The following DCBLD2 variants were observed in gnomAD, a reference collection of about 807,000 sequenced individuals.
DCBLD2 encodes discoidin, CUB and LCCL domain containing 2.
Under a neutral mutation model 86.8 loss-of-function variants are expected in DCBLD2, and 54 were observed. The observed-to-expected ratio is 0.62, with a 90% confidence interval of 0.50 to 0.78. DCBLD2 has a LOEUF of 0.78. DCBLD2 is among the 30% of genes least tolerant of loss of function. The probability of loss-of-function intolerance (pLI) is 0.00; values close to 1 mark genes in which losing one functional copy is unlikely to be tolerated. For missense variants in DCBLD2, 908 were observed against 954.2 expected, an observed-to-expected ratio of 0.95 and a Z score of 0.64; for synonymous variants, 354 against 341.3, an observed-to-expected ratio of 1.04 and a Z score of -0.41.
intron 2 of DCBLD2, among the ~76,000 whole-genome samples, chr3:98,880,757 A>G (rs1446325203): frequency 1.3e-5 from 2 of 152,148 alleles, no homozygotes; most frequent in Admixed American, 6.5e-5. Flanking sequence ...TATTTTTTAC[A>G]AGAGAAAAAA....
chr3:98,866,679 T>G (rs1943152644), intron 2 of DCBLD2, among the ~76,000 whole-genome samples: 2 of 152,354 alleles, frequency 1.3e-5, no homozygotes, highest in South Asian at 4.1e-4. Context: ...TGATGGTAGT[T>G]TCTTTTGCTG....
chr3:98,796,274 A>G lies in DCBLD2; in HGVS notation c.*3098T>C, dbSNP rs1454947978. The G allele has an allele frequency of 6.6e-6, 1 of 152,606 alleles. No individual in the cohort carries two copies. The highest frequency in any genetic ancestry group is 1.5e-5 in the Non-Finnish European group (1 of 68,020). 9.5% of individuals were successfully genotyped at this position (152,606 alleles called of 1,614,324 possible). A position where few individuals can be genotyped will look rare whatever the true frequency, so the allele number is the denominator to read the frequency against. On this transcript the variant is annotated 3_prime_UTR_variant, in exon 16 of 16. Transcript: ENST00000326840. ...CACAAAAACAAAACAAAACAAAAAAAAACAGTCACAAGTTGGATTACATTA... is the reference window on the plus strand; with the variant it reads ...CACAAAAACAAAACAAAACAAAAAAGAACAGTCACAAGTTGGATTACATTA...
intron 3 of DCBLD2, among the ~76,000 whole-genome samples, chr3:98,834,806 C>A (rs1400139249): frequency 6.6e-6 from 1 of 152,222 alleles, no homozygotes; most frequent in African/African-American, 2.4e-5. Context: ...AGATGTTATC[C>A]TAAAAAGTTA....
chr3:98,870,783 AAGAAAGAAAGAAAG>A (rs1415432462), intron 2 of DCBLD2, among the ~76,000 whole-genome samples: 2 of 150,954 alleles, frequency 1.3e-5, no homozygotes, highest in Admixed American at 6.6e-5. Flanking sequence ...GAAAGAAAGA[AAGAAAGAAAGAAAG>A]AAAGAAAGAA....
intron 2 of DCBLD2, among the ~76,000 whole-genome samples, chr3:98,861,445 A>G (rs1187766212): frequency 6.6e-6 from 1 of 152,132 alleles, no homozygotes; most frequent in Non-Finnish European, 1.5e-5. Context: ...ACCACATTGC[A>G]CTTATTCCAA....
chr3:98,836,639 C>T (rs1308573658), intron 3 of DCBLD2, among the ~76,000 whole-genome samples: 2 of 136,872 alleles, frequency 1.5e-5, no homozygotes, highest in South Asian at 2.3e-4. Flanking sequence ...GCTGGCCGGG[C>T]AGAGGGGCTC....
chr3:98,868,324 G>C (rs1169978947), intron 2 of DCBLD2, among the ~76,000 whole-genome samples: 1 of 152,114 alleles, frequency 6.6e-6, no homozygotes, highest in Non-Finnish European at 1.5e-5. Context: ...TTTAATTATA[G>C]ATCTAGAAAA....
chr3:98,879,563 A>G (rs1943426048), intron 2 of DCBLD2, among the ~76,000 whole-genome samples: 1 of 151,486 alleles, frequency 6.6e-6, no homozygotes, highest in African/African-American at 2.4e-5. Flanking sequence ...ATTTTTTTGT[A>G]TTTTCAGTAG....
intron 6 of DCBLD2, 52 bp from the exon 7 acceptor site, chr3:98,820,340 C>A: frequency 7.8e-7 from 1 of 1,287,566 alleles, no homozygotes; most frequent in Admixed American, 2.9e-5. Context: ...ACATGATGCC[C>A]CATATTTAGT....
chr3:98,859,106 C>T (rs374696043), intron 2 of DCBLD2, among the ~76,000 whole-genome samples: 14 of 152,292 alleles, frequency 9.2e-5, no homozygotes, highest in Admixed American at 3.3e-4. Context: ...GAGGGTCCTA[C>T]GCCAACGGAG....
rs1001179227 is a variant in DCBLD2, at chr3:98,799,478, C to T, written c.2222G>A (p.Gly741Asp). 4.7e-5 allele frequency: 76 copies of T among 1,613,880 alleles called. No homozygotes were observed. Among genetic ancestry groups the T allele is most frequent in the Non-Finnish European group, 6.0e-5 (71 of 1,179,906 alleles). The part of the protein sequence containing the change: ...QYDTPKAGKP[G>D]LPAPDELVYQ... Reference sequence around the variant, plus strand: ...CACCAATTCGTCTGGGGCAGGTAGACCTGGCTTCCCAGCTTTCGGGGTATC... The same window carrying T: ...CACCAATTCGTCTGGGGCAGGTAGATCTGGCTTCCCAGCTTTCGGGGTATC... The change falls in exon 16 of 16, where the codon GGT becomes GAT. Residue 741 changes from glycine to aspartate, a missense_variant. This residue lies in a region of DCBLD2 where 606 missense variants were observed against 678.5 expected (regional missense o/e 0.89). Coordinates refer to ENST00000326840, the MANE Select transcript of DCBLD2 (RefSeq NM_080927.4).
At chr3:98,889,205 T>G (rs1375251788) in intron 1 of DCBLD2, among the ~76,000 whole-genome samples, 1 of 151,948 alleles carries the variant, frequency 6.6e-6, no homozygotes, top group African/African-American at 2.4e-5. Flanking sequence ...TTGAGCACTA[T>G]AGAAAGAGAA....
intron 2 of DCBLD2, among the ~76,000 whole-genome samples, chr3:98,850,774 T>C (rs530673170): frequency 6.6e-6 from 1 of 152,288 alleles, no homozygotes; most frequent in East Asian, 1.9e-4. Context: ...TCTCTAGAAC[T>C]AGTAAAGAAA....
At chr3:98,830,092 T>TA (rs1475665077) in intron 3 of DCBLD2, among the ~76,000 whole-genome samples, 8 of 152,202 alleles carry the variant, frequency 5.3e-5, no homozygotes, top group African/African-American at 1.9e-4. Flanking sequence ...ATGTTTCTTT[T>TA]TTCTTGTAAA....
rs557376571 is a variant in DCBLD2, at chr3:98,796,481, T to A, written c.*2891A>T. 6.5e-6 allele frequency: 1 copy of A among 152,770 alleles called. No homozygotes were observed. Among genetic ancestry groups the A allele is most frequent in the South Asian group, 2.1e-4 (1 of 4,830 alleles). 9.5% of individuals were successfully genotyped at this position (152,770 alleles called of 1,614,324 possible). ...GAGCCAGGGCAAAGGTGTTTAAGCT[T>A]TGTCACCTTCCACAGCTTTGTGGCC... On this transcript the variant is annotated 3_prime_UTR_variant, in exon 16 of 16. Coordinates refer to ENST00000326840, the MANE Select transcript of DCBLD2 (RefSeq NM_080927.4).
intron 2 of DCBLD2, among the ~76,000 whole-genome samples, chr3:98,874,403 ACAATGCACAGTTATTT>A (rs1400719514): frequency 6.6e-6 from 1 of 152,212 alleles, no homozygotes; most frequent in East Asian, 1.9e-4. Flanking sequence ...ACTTATTCCA[ACAATGCACAGTTATTT>A]CAATATTAGG....
At chr3:98,855,073 G>A (rs1020252989) in intron 2 of DCBLD2, among the ~76,000 whole-genome samples, 1 of 152,030 alleles carries the variant, frequency 6.6e-6, no homozygotes, top group Admixed American at 6.6e-5. Flanking sequence ...CATAGCAATG[G>A]AGAAGATACA....
At chr3:98,868,893 G>T (rs76608691) in intron 2 of DCBLD2, among the ~76,000 whole-genome samples, 28 of 152,124 alleles carry the variant, frequency 1.8e-4, no homozygotes, top group African/African-American at 6.0e-4. Context: ...GGTTGATTCC[G>T]TATCTTTTCC....
chr3:98,836,772 G>C (rs1942467316), intron 3 of DCBLD2, among the ~76,000 whole-genome samples: 2 of 74,846 alleles, frequency 2.7e-5, no homozygotes, highest in African/African-American at 9.3e-5. Context: ...CCGGGCGGGG[G>C]GCCGACACCC....
Sources: allele counts gnomAD v4.1 joint callset (sites outside exome capture counted in the v4.1 genomes callset), GRCh38; gene constraint gnomAD v4.1.1; regional missense constraint gnomAD v4.1.1; transcripts MANE v1.5; gene names NCBI Gene and HGNC (gene_info 2026-07-23, HGNC 2026-07-21).